Variants in OLR1 observed in about 807,000 individuals in gnomAD.
OLR1 encodes the protein oxidized low density lipoprotein receptor 1.
Under a neutral mutation model 31.7 loss-of-function variants are expected in OLR1, and 23 were observed. The observed-to-expected ratio is 0.72, with a 90% confidence interval of 0.52 to 1.03. The LOEUF is 1.03. Among genes scored for constraint, OLR1 ranks in the 50% least tolerant of loss-of-function variants. The probability of loss-of-function intolerance (pLI) is 0.00; values close to 1 mark genes in which losing one functional copy is unlikely to be tolerated. For synonymous variants in OLR1, 117 were observed against 115.8 expected, an observed-to-expected ratio of 1.01 and a Z score of -0.07; for missense variants, 286 against 315.7, an observed-to-expected ratio of 0.91 and a Z score of 0.71.
At position 10,159,588 on chromosome 12, in the gene OLR1, G is replaced by A; in HGVS notation, c.*292C>T. The A allele has an allele frequency of 4.1e-6, 1 of 246,738 alleles. No homozygotes were observed. The highest frequency in any genetic ancestry group is 8.1e-5 in the South Asian group (1 of 12,396). The allele number at this position is 246,738 out of a possible 1,614,324, so 15.3% of individuals were successfully genotyped here. On this transcript the variant is annotated 3_prime_UTR_variant, in exon 6 of 6. Transcript: ENST00000309539. ...TGAGGTAAAGAAGACTGAGTTCAGA[G>A]GGTTTTCAAGCTTGAAGAGGAGTCA...
intron 2 of OLR1, 198 bp from the exon 3 acceptor site, chr12:10,167,155 T>C (rs1043560913): frequency 1.3e-5 from 7 of 534,392 alleles, no homozygotes; most frequent in Non-Finnish European, 1.9e-5. Context: ...GTCAGGAACA[T>C]TGCAAACACT....
At chr12:10,168,550 A>G (rs1261138103) in intron 2 of OLR1, among the ~76,000 whole-genome samples, 1 of 152,014 alleles carries the variant, frequency 6.6e-6, no homozygotes, top group Admixed American at 6.6e-5. Flanking sequence ...CTGGAGTGCA[A>G]TGGTGCAGTC....
chr12:10,171,936 G>T, intron 1 of OLR1, 66 bp downstream of exon 1: 1 of 1,200,592 alleles, frequency 8.3e-7, no homozygotes, highest in South Asian at 1.2e-5. Context: ...CCATTCTTCG[G>T]TGAATTTACA....
chr12:10,173,122 T>C (rs1171723738), upstream of OLR1, among the ~76,000 whole-genome samples: 1 of 152,212 alleles, frequency 6.6e-6, no homozygotes, highest in African/African-American at 2.4e-5. Flanking sequence ...GATTGACTCA[T>C]GTCACAAAGA....
At position 10,167,095 on chromosome 12, in the gene OLR1, A is replaced by G. The variant is rs1304626782; in HGVS notation, c.179-138T>C. 4 of 778,192 alleles carry G rather than the reference A, an allele frequency of 5.1e-6. No homozygotes were observed. The East Asian group carries it at 1.1e-4, about 21-fold the overall frequency. The allele number at this position is 778,192 out of a possible 1,614,324, so 48.2% of individuals were successfully genotyped here. On this transcript the variant is annotated intron_variant, in intron 2 of 5. Transcript: ENST00000309539. ...TGAAAAATGACCCAGATTTACTCAG[A>G]AGTTACAGATTTGGAGGTTCTTGAA... is the stretch of plus-strand genomic sequence containing the variant.
intron 5 of OLR1, 27 bp from the exon 6 acceptor site, chr12:10,160,048 C>A (rs1464527923): frequency 1.3e-6 from 2 of 1,576,604 alleles, no homozygotes; most frequent in Admixed American, 1.9e-5. Context: ...ACAAAACAAA[C>A]CAACAAAAAA....
In OLR1 at chr12:10,166,767, A is replaced by G; in HGVS notation, c.369T>C (p.Leu123=). The G allele has an allele frequency of 6.2e-7, 1 of 1,613,954 alleles. No homozygotes were observed. The highest frequency in any genetic ancestry group is 8.5e-7 in the Non-Finnish European group (1 of 1,179,990). ...LNEKSKEQME[L]HHQNLNLQET... ...CTTGGAGATTCAGATTCTGGTGGTG[A>G]AGTTCCATTTGCTCTTTGGATTTCT... is the stretch of plus-strand genomic sequence containing the variant. Residue 123 remains leucine (L), a synonymous_variant, in exon 3 of 6, where the codon CTT becomes CTC. Transcript: ENST00000309539.
In OLR1 at chr12:10,166,789, T is replaced by A. The variant is rs753556915; in HGVS notation, c.347A>T (p.Lys116Ile). 6.2e-6 allele frequency: 10 copies of A among 1,613,856 alleles called. No individual in the cohort carries two copies. The East Asian group carries it at 2.0e-4, about 32-fold the overall frequency. ...GTGAAGTTCCATTTGCTCTTTGGAT[T>A]TCTCATTCAGCTTCCGAGCAAGGGT... is the stretch of plus-strand genomic sequence containing the variant. ...IETLARKLNE[K>I]SKEQMELHHQ... Residue 116 changes from lysine (K) to isoleucine (I), a missense_variant, in exon 3 of 6, where the codon AAA becomes ATA. Physicochemically the swap from Lys to Ile is moderately radical, Grantham distance 102 (BLOSUM62 -3). Transcript: ENST00000309539.
intron 3 of OLR1, among the ~76,000 whole-genome samples, chr12:10,161,205 AT>A (rs1948617353): frequency 6.6e-6 from 1 of 151,984 alleles, no homozygotes; most frequent in African/African-American, 2.4e-5. Flanking sequence ...CAGAGTCCTT[AT>A]TTCTTCATTT....
chr12:10,175,551 A>G (rs1439965029), upstream of OLR1: 1 of 152,252 alleles, frequency 6.6e-6, no homozygotes, highest in Admixed American at 6.5e-5. Flanking sequence ...GTTACACAGC[A>G]TATCAACCTA....
At position 10,158,983 on chromosome 12, in the gene OLR1, T is replaced by G. The variant is rs1948597011; in HGVS notation, c.*897A>C. ...CTGGCTTAGTTTGTTCTAGATTGAGTGTCTTCATTTTTTTTGTCTTGTATG... is the reference window on the plus strand; with the variant it reads ...CTGGCTTAGTTTGTTCTAGATTGAGGGTCTTCATTTTTTTTGTCTTGTATG... On this transcript the variant is annotated 3_prime_UTR_variant, in exon 6 of 6. Coordinates refer to ENST00000309539, the MANE Select transcript of OLR1 (RefSeq NM_002543.4). The G allele has an allele frequency of 6.6e-6, 1 of 152,182 alleles. No individual in the cohort carries two copies. Among genetic ancestry groups the G allele is most frequent in the Admixed American group, 6.5e-5 (1 of 15,270 alleles). The allele number at this position is 152,182 out of a possible 1,614,324, so 9.4% of individuals were successfully genotyped here.
chr12:10,160,242 G>A, intron 5 of OLR1, 105 bp downstream of exon 5: 1 of 991,312 alleles, frequency 1.0e-6, no homozygotes, highest in Non-Finnish European at 1.5e-6. Context: ...GCTTCTCTCT[G>A]GCAAGAAGAG....
At chr12:10,162,633 G>A (rs1394541539) in intron 3 of OLR1, among the ~76,000 whole-genome samples, 1 of 152,130 alleles carries the variant, frequency 6.6e-6, no homozygotes, top group African/African-American at 2.4e-5. Flanking sequence ...TTCCAGACCA[G>A]CCTGTGCAAC....
At chr12:10,173,547 A>AG (rs5796382), upstream of OLR1, among the ~76,000 whole-genome samples, 5,678 of 149,260 alleles carry the variant, frequency 0.038, 165 homozygotes, top group African/African-American at 0.07. Flanking sequence ...TGGGAAGCTG[A>AG]GGGGGGGGGT....
intron 1 of OLR1, among the ~76,000 whole-genome samples, chr12:10,170,136 C>T (rs1346512374): frequency 6.6e-6 from 1 of 152,214 alleles, no homozygotes; most frequent in Non-Finnish European, 1.5e-5. Flanking sequence ...TCAGTAGCTA[C>T]ATGACTTGAA....
rs1012100018 is a variant in OLR1, at chr12:10,160,938, G to C, written c.425-13C>G. The C allele has an allele frequency of 6.2e-7, 1 of 1,611,550 alleles. No homozygotes were observed. Among genetic ancestry groups the C allele is most frequent in the African/African-American group, 1.3e-5 (1 of 75,010 alleles). The stretch of plus-strand genomic sequence containing the variant: ...TGCGGACAAGGAGCTGGGAAGGATA[G>C]TATATCTCATCAGTCAGTTATGTTT... On this transcript the variant is annotated splice_polypyrimidine_tract_variant and intron_variant, in intron 3 of 5. Coordinates refer to ENST00000309539, the MANE Select transcript of OLR1 (RefSeq NM_002543.4).
chr12:10,164,714 C>T (rs1948646665), intron 3 of OLR1, among the ~76,000 whole-genome samples: 1 of 152,130 alleles, frequency 6.6e-6, no homozygotes, highest in South Asian at 2.1e-4. Context: ...ATGCCTAAAA[C>T]CATATACCTG....
chr12:10,169,009 A>G, intron 2 of OLR1, 65 bp downstream of exon 2: 1 of 1,123,780 alleles, frequency 8.9e-7, no homozygotes, highest in Non-Finnish European at 1.3e-6. Context: ...TATAAACCAT[A>G]TTTATTAACC....
Position 10,160,023 on chromosome 12 carries a change from T to C in OLR1, c.681-2A>G, listed in dbSNP as rs1187549510. On this transcript the variant is annotated splice_acceptor_variant, in intron 5 of 5. Coordinates refer to ENST00000309539, the MANE Select transcript of OLR1 (RefSeq NM_002543.4). LOFTEE classifies it high-confidence loss of function. ...GAGACAGCGCCTCGGACTCTAAATC[T>C]GCAGGTAGGAAAAAACAAAACAAAC... 3 of 1,592,644 alleles carry C rather than the reference T, an allele frequency of 1.9e-6. No individual in the cohort carries two copies. The East Asian group carries it at 6.7e-5, about 36-fold the overall frequency.
Sources: gnomAD v4.1 joint callset for allele counts (sites outside exome capture counted in the v4.1 genomes callset) on GRCh38, gnomAD v4.1.1 for gene constraint, MANE v1.5 for transcripts, NCBI Gene and HGNC (gene_info 2026-07-23, HGNC 2026-07-21) for gene names.